The following LRFN5 variants were observed in gnomAD, a reference collection of about 807,000 sequenced individuals.
LRFN5 encodes the protein leucine-rich repeat and fibronectin type-III domain-containing protein 5.
LRFN5 carries 24 observed loss-of-function variants against 45.6 expected under a neutral mutation model. The ratio of observed to expected loss-of-function variants is 0.53; its 90% CI spans 0.38 to 0.74. The LOEUF is 0.74. Ranked by LOEUF, LRFN5 falls within the 30% of genes least tolerant of loss-of-function variation. The pLI is 0.00. For synonymous variants in LRFN5, 340 were observed against 313.8 expected (o/e 1.08, Z -0.88); for missense variants, 776 against 861.5 (o/e 0.90, Z 1.24).
At chr14:41,764,645 T>G (rs1885804054) in intron 1 of LRFN5, among the ~76,000 whole-genome samples, 2 of 152,118 alleles carry the variant, frequency 1.3e-5, no homozygotes. Flanking sequence ...ATAGAAAATG[T>G]AATTACAGAA....
intron 2 of LRFN5, among the ~76,000 whole-genome samples, chr14:41,795,426 G>A (rs1887085107): frequency 6.6e-6 from 1 of 151,934 alleles, no homozygotes; most frequent in Non-Finnish European, 1.5e-5. Context: ...CCCATTACTG[G>A]GTATATACCC....
intron 1 of LRFN5, among the ~76,000 whole-genome samples, chr14:41,733,073 CA>C (rs2138798322): frequency 1.3e-5 from 2 of 148,694 alleles, no homozygotes; most frequent in East Asian, 3.9e-4. Context: ...ACAGATTGAA[CA>C]AAAGGACCAT....
intron 1 of LRFN5, among the ~76,000 whole-genome samples, chr14:41,668,031 T>G: frequency 6.6e-6 from 1 of 152,136 alleles, no homozygotes; most frequent in East Asian, 1.9e-4. Context: ...AGGTCGAACC[T>G]TGTGCTTCAG....
intron 2 of LRFN5, among the ~76,000 whole-genome samples, chr14:41,777,417 G>T (rs2138907799): frequency 6.6e-6 from 1 of 151,600 alleles, no homozygotes; most frequent in Admixed American, 6.6e-5. Flanking sequence ...GATGCTTTTT[G>T]TGTTTCTGTG....
chr14:41,697,332 T>C (rs1594624871), intron 1 of LRFN5, among the ~76,000 whole-genome samples: 1 of 151,844 alleles, frequency 6.6e-6, no homozygotes, highest in East Asian at 1.9e-4. Flanking sequence ...AAATAATACA[T>C]TGTTACTATG....
chr14:41,660,003 T>C (rs1385552901), intron 1 of LRFN5, among the ~76,000 whole-genome samples: 1 of 151,936 alleles, frequency 6.6e-6, no homozygotes, highest in Non-Finnish European at 1.5e-5. Flanking sequence ...GGTTGCCTGT[T>C]AACTCTGATA....
chr14:41,698,621 A>G (rs192698760), intron 1 of LRFN5, among the ~76,000 whole-genome samples: 65 of 152,214 alleles, frequency 4.3e-4, no homozygotes, highest in Non-Finnish European at 7.1e-4. Context: ...CACATGGAAG[A>G]GAACAAAGCA....
At chr14:41,614,829 A>G (rs1020119268) in intron 1 of LRFN5, among the ~76,000 whole-genome samples, 3 of 152,198 alleles carry the variant, frequency 2.0e-5, no homozygotes, top group Non-Finnish European at 4.4e-5. Context: ...TGTTATTAAC[A>G]TTATCACCAT....
At chr14:41,658,291 G>C (rs1005981367) in intron 1 of LRFN5, among the ~76,000 whole-genome samples, 1 of 151,916 alleles carries the variant, frequency 6.6e-6, no homozygotes, top group African/African-American at 2.4e-5. Context: ...TTTATTCATA[G>C]GAGTGTAAAA....
chr14:41,845,147 T>C (rs944013955), intron 2 of LRFN5, among the ~76,000 whole-genome samples: 1 of 66,278 alleles, frequency 1.5e-5, no homozygotes. Context: ...AAAACATGAG[T>C]AGATAATAAA....
At chr14:41,659,026 C>A (rs1880507491) in intron 1 of LRFN5, among the ~76,000 whole-genome samples, 1 of 151,650 alleles carries the variant, frequency 6.6e-6, no homozygotes. Context: ...CTATTACAAC[C>A]AACTCTTTTT....
intron 1 of LRFN5, among the ~76,000 whole-genome samples, chr14:41,681,831 T>A (rs201914771): frequency 0.53 from 77,504 of 146,806 alleles, 21,930 homozygotes; most frequent in East Asian, 0.95. Flanking sequence ...TTTATTTTTT[T>A]TTTTTGTGAT....
chr14:41,662,199 A>G (rs1173828237), intron 1 of LRFN5, among the ~76,000 whole-genome samples: 1 of 152,060 alleles, frequency 6.6e-6, no homozygotes, highest in African/African-American at 2.4e-5. Context: ...AATATTGTAG[A>G]AAGGTCAAAT....
intron 1 of LRFN5, among the ~76,000 whole-genome samples, chr14:41,623,465 G>T (rs1243471309): frequency 6.6e-6 from 1 of 151,958 alleles, no homozygotes; most frequent in Non-Finnish European, 1.5e-5. Flanking sequence ...AAAATGTGGG[G>T]ATTTAAAAAA....
intron 1 of LRFN5, among the ~76,000 whole-genome samples, chr14:41,754,740 A>C (rs1457405997): frequency 2.6e-5 from 4 of 151,920 alleles, no homozygotes; most frequent in Non-Finnish European, 5.9e-5. Flanking sequence ...TGATTTTTGA[A>C]GCGTTTTTTG....
chr14:41,643,711 CCACACA>C (rs149767883), intron 1 of LRFN5, among the ~76,000 whole-genome samples: 1 of 149,442 alleles, frequency 6.7e-6, no homozygotes, highest in Non-Finnish European at 1.5e-5. Flanking sequence ...CATAAACACA[CCACACA>C]CACACACACA....
intron 1 of LRFN5, among the ~76,000 whole-genome samples, chr14:41,652,518 A>G (rs1249042825): frequency 6.6e-6 from 1 of 152,218 alleles, no homozygotes; most frequent in Non-Finnish European, 1.5e-5. Context: ...AATCAATAAA[A>G]TAAGTTTAGC....
At chr14:41,767,477 G>A (rs993375808) in intron 2 of LRFN5, among the ~76,000 whole-genome samples, 2 of 152,102 alleles carry the variant, frequency 1.3e-5, no homozygotes, top group African/African-American at 4.8e-5. Flanking sequence ...CCATGGCTTT[G>A]ATGTCCAGTG....
intron 1 of LRFN5, among the ~76,000 whole-genome samples, chr14:41,733,262 A>C (rs1286747869): frequency 6.6e-6 from 1 of 152,148 alleles, no homozygotes; most frequent in Non-Finnish European, 1.5e-5. Flanking sequence ...AAAGACAGCC[A>C]CACCTAAATA....
Sources: allele counts gnomAD v4.1 joint callset (sites outside exome capture counted in the v4.1 genomes callset), GRCh38; gene constraint gnomAD v4.1.1; transcripts MANE v1.5; gene names NCBI Gene and HGNC (gene_info 2026-07-23, HGNC 2026-07-21).